METTL24: variants seen among roughly 807,000 people sequenced by gnomAD.
METTL24 encodes the protein methyltransferase like 24, also known as probable methyltransferase-like protein 24.
METTL24 carries 29 observed loss-of-function variants against 32.7 expected under a neutral mutation model. That is an observed-to-expected ratio of 0.89 (90% CI 0.66 to 1.21). The LOEUF (loss-of-function observed/expected upper bound fraction) is 1.21. Among genes scored for constraint, METTL24 ranks in the 50% most tolerant of loss-of-function variants. The pLI is 0.00. For synonymous variants in METTL24, 163 were observed against 179.5 expected, an observed-to-expected ratio of 0.91 and a Z score of 0.73; for missense variants, 439 against 468.1, an observed-to-expected ratio of 0.94 and a Z score of 0.57.
intron 1 of METTL24, chr6:110,332,565 C>A: frequency 1.3e-6 from 1 of 763,914 alleles, no homozygotes; most frequent in South Asian, 6.0e-5. Flanking sequence ...AGCACATCAA[C>A]CTGGAAAGGA....
chr6:110,352,044 C>T (rs1772614274), intron 1 of METTL24, among the ~76,000 whole-genome samples: 2 of 151,998 alleles, frequency 1.3e-5, no homozygotes, highest in South Asian at 4.2e-4. Context: ...AGGCTAGAGC[C>T]CAGTTCCTGT....
chr6:110,333,830 A>G (rs1369728758), intron 1 of METTL24, among the ~76,000 whole-genome samples: 1 of 152,220 alleles, frequency 6.6e-6, no homozygotes, highest in Non-Finnish European at 1.5e-5. Context: ...TTCAATAGTT[A>G]TATTTCTTGA....
At chr6:110,278,235 T>C (rs1333097852) in intron 4 of METTL24, among the ~76,000 whole-genome samples, 1 of 152,184 alleles carries the variant, frequency 6.6e-6, no homozygotes, top group Non-Finnish European at 1.5e-5. Flanking sequence ...ATGCTACCTC[T>C]CCTGCAGGTG....
At chr6:110,246,782 G>A (rs2114687269) in intron 4 of METTL24, among the ~76,000 whole-genome samples, 1 of 152,166 alleles carries the variant, frequency 6.6e-6, no homozygotes, top group Non-Finnish European at 1.5e-5. Context: ...AAGTGACAAA[G>A]GGCTACTGCC....
chr6:110,285,124 C>A (rs537869716), intron 4 of METTL24, among the ~76,000 whole-genome samples: 10 of 152,218 alleles, frequency 6.6e-5, no homozygotes, highest in Non-Finnish European at 1.5e-4. Flanking sequence ...TTTTTTCCTG[C>A]AGAATCTGGA....
intron 4 of METTL24, among the ~76,000 whole-genome samples, chr6:110,295,793 G>T (rs1562228487): frequency 7.2e-6 from 1 of 139,800 alleles, no homozygotes; most frequent in Non-Finnish European, 1.5e-5. Flanking sequence ...AAGAAAGAAA[G>T]AAAGGAAGGA....
intron 2 of METTL24, among the ~76,000 whole-genome samples, chr6:110,321,096 G>A (rs1771922627): frequency 1.3e-5 from 2 of 152,130 alleles, no homozygotes; most frequent in Non-Finnish European, 1.5e-5. Flanking sequence ...AATTAGTCGG[G>A]CATGGTGACA....
intron 1 of METTL24, among the ~76,000 whole-genome samples, chr6:110,351,111 T>C (rs1440958254): frequency 6.6e-6 from 1 of 151,904 alleles, no homozygotes; most frequent in Non-Finnish European, 1.5e-5. Context: ...ACCAGTTACT[T>C]GGGAGGCCTG....
At chr6:110,348,398 C>A (rs777048464) in intron 1 of METTL24, among the ~76,000 whole-genome samples, 1 of 152,186 alleles carries the variant, frequency 6.6e-6, no homozygotes, top group Non-Finnish European at 1.5e-5. Flanking sequence ...ACCATGTAAA[C>A]AGGACTCCTA....
chr6:110,258,819 C>G (rs967827057), intron 4 of METTL24, among the ~76,000 whole-genome samples: 3 of 148,494 alleles, frequency 2.0e-5, no homozygotes, highest in African/African-American at 5.0e-5. Flanking sequence ...CACACACACA[C>G]ACAACAAAAC....
intron 3 of METTL24, among the ~76,000 whole-genome samples, chr6:110,300,989 T>G (rs879889536): frequency 6.6e-6 from 1 of 152,180 alleles, no homozygotes; most frequent in Non-Finnish European, 1.5e-5. Flanking sequence ...ATCCAGGACT[T>G]GAGCATCCTA....
chr6:110,246,366 T>G (rs1245427360), intron 4 of METTL24, 106 bp from the exon 5 acceptor site: 2 of 1,042,788 alleles, frequency 1.9e-6, no homozygotes, highest in African/African-American at 3.2e-5. Flanking sequence ...TTTTAAAATT[T>G]TAGAGCTGAG....
chr6:110,270,095 G>A (rs1264542306), intron 4 of METTL24, among the ~76,000 whole-genome samples: 6 of 152,162 alleles, frequency 3.9e-5, no homozygotes, highest in Non-Finnish European at 5.9e-5. Flanking sequence ...TAACTGAATC[G>A]AAGAGATCAA....
At chr6:110,348,282 TAAGC>T (rs1772520744) in intron 1 of METTL24, among the ~76,000 whole-genome samples, 1 of 152,226 alleles carries the variant, frequency 6.6e-6, no homozygotes, top group Admixed American at 6.5e-5. Flanking sequence ...CCATATCCAC[TAAGC>T]AAGGGAGCAG....
At chr6:110,257,733 A>T (rs1778411057) in intron 4 of METTL24, among the ~76,000 whole-genome samples, 1 of 152,244 alleles carries the variant, frequency 6.6e-6, no homozygotes, top group African/African-American at 2.4e-5. Flanking sequence ...TGAGCTTTTC[A>T]TGGTGTATGC....
At position 110,301,609 on chromosome 6, in the gene METTL24, G is replaced by C. The variant is rs146361589; in HGVS notation, c.558-2459C>G. The stretch of plus-strand genomic sequence containing the variant: ...GAACCTCCCTTAGCCATCTCAGCCT[G>C]AAGTAAAGAAAGCCTCACAGCTAAG... On this transcript the variant is annotated intron_variant, in intron 3 of 4. Coordinates refer to ENST00000338882, the MANE Select transcript of METTL24 (RefSeq NM_001123364.3). 3.3e-5 allele frequency among the ~76,000 whole-genome samples: 5 copies of C among 152,196 alleles called. No individual in the cohort carries two copies. In the East Asian group the frequency reaches 9.7e-4, roughly 29 times the overall value.
At chr6:110,317,420 A>G (rs1771839972) in intron 2 of METTL24, among the ~76,000 whole-genome samples, 1 of 152,176 alleles carries the variant, frequency 6.6e-6, no homozygotes. Flanking sequence ...CTAGTTAGTC[A>G]GAACTCAGTG....
At chr6:110,293,604 G>T (rs755444327) in intron 4 of METTL24, among the ~76,000 whole-genome samples, 2 of 151,082 alleles carry the variant, frequency 1.3e-5, no homozygotes, top group Non-Finnish European at 1.5e-5. Flanking sequence ...TTTTCTTATT[G>T]TATTAGCTGT....
intron 4 of METTL24, among the ~76,000 whole-genome samples, chr6:110,269,438 A>G (rs1004920777): frequency 6.6e-6 from 1 of 152,170 alleles, no homozygotes; most frequent in Non-Finnish European, 1.5e-5. Flanking sequence ...TCAGCATTCC[A>G]CTGATGACTG....
Sources: gnomAD v4.1 joint callset for allele counts (sites outside exome capture counted in the v4.1 genomes callset) on GRCh38, gnomAD v4.1.1 for gene constraint, MANE v1.5 for transcripts, NCBI Gene and HGNC (gene_info 2026-07-23, HGNC 2026-07-21) for gene names.